Variants in AHCYL1 observed in about 807,000 individuals in gnomAD.
AHCYL1 encodes S-adenosylhomocysteine hydrolase-like protein 1.
In AHCYL1, 20 loss-of-function variants were observed where a neutral mutation model predicts 79.3. That is an observed-to-expected ratio of 0.25 (90% CI 0.18 to 0.37). The LOEUF is 0.37. Among genes scored for constraint, AHCYL1 ranks in the 10% least tolerant of loss-of-function variants. The probability of loss-of-function intolerance (pLI) is 1.00; values close to 1 mark genes in which losing one functional copy is unlikely to be tolerated. For missense variants in AHCYL1, 330 were observed against 673.6 expected (o/e 0.49, Z 5.65); for synonymous variants, 223 against 242.2 (o/e 0.92, Z 0.74).
intron 1 of AHCYL1, among the ~76,000 whole-genome samples, chr1:109,988,373 G>C (rs3768480): frequency 0.33 from 49,727 of 152,150 alleles, 9,780 homozygotes; most frequent in Non-Finnish European, 0.45. Flanking sequence ...TGAGTTTTAA[G>C]AGTTAAGTGT....
At chr1:109,990,270 G>A (rs1649685285) in intron 1 of AHCYL1, among the ~76,000 whole-genome samples, 1 of 152,110 alleles carries the variant, frequency 6.6e-6, no homozygotes, top group African/African-American at 2.4e-5. Flanking sequence ...GTAAAATGGG[G>A]AACAATGATA....
chr1:109,985,580 T>C (rs1649426048), intron 1 of AHCYL1: 1 of 988,226 alleles, frequency 1.0e-6, no homozygotes, highest in Non-Finnish European at 1.2e-6. Flanking sequence ...CCATCAAATC[T>C]TTGGGAGCAG....
intron 15 of AHCYL1, among the ~76,000 whole-genome samples, chr1:110,020,343 G>A (rs1651715496): frequency 6.6e-6 from 1 of 152,116 alleles, no homozygotes; most frequent in Non-Finnish European, 1.5e-5. Context: ...TAGCTTACTG[G>A]TGTCCACTTT....
At chr1:110,013,946 G>T (rs1234324739) in intron 5 of AHCYL1, among the ~76,000 whole-genome samples, 1 of 151,284 alleles carries the variant, frequency 6.6e-6, no homozygotes, top group Non-Finnish European at 1.5e-5. Flanking sequence ...GATTGCAGTG[G>T]CATGCCACCA....
At chr1:110,011,170 C>T in intron 2 of AHCYL1, 44 bp from the exon 3 acceptor site, 1 of 1,609,058 alleles carries the variant, frequency 6.2e-7, no homozygotes, top group Non-Finnish European at 8.5e-7. Flanking sequence ...AGTTGGGGAC[C>T]ACTGAGGTTT....
intron 1 of AHCYL1, among the ~76,000 whole-genome samples, chr1:110,004,718 C>T (rs962934046): frequency 6.6e-6 from 1 of 152,004 alleles, no homozygotes; most frequent in South Asian, 2.1e-4. Context: ...TTGCAGCCAG[C>T]CTGGCAAACA....
chr1:109,987,057 G>C (rs1033622649), intron 1 of AHCYL1, among the ~76,000 whole-genome samples: 1 of 152,184 alleles, frequency 6.6e-6, no homozygotes, highest in African/African-American at 2.4e-5. Flanking sequence ...CCATTTACCA[G>C]TAAATGTGCC....
chr1:109,992,115 G>A (rs918073313), intron 1 of AHCYL1, among the ~76,000 whole-genome samples: 1 of 151,990 alleles, frequency 6.6e-6, no homozygotes, highest in Admixed American at 6.6e-5. Flanking sequence ...TACCATAAAA[G>A]TTAATAGGAC....
chr1:109,993,836 G>A (rs964901134), intron 1 of AHCYL1, among the ~76,000 whole-genome samples: 2 of 152,180 alleles, frequency 1.3e-5, no homozygotes, highest in Non-Finnish European at 2.9e-5. Context: ...GTTGAAACTG[G>A]TATCCTGGTT....
chr1:110,009,278 G>A, intron 2 of AHCYL1, 133 bp downstream of exon 2: 1 of 736,558 alleles, frequency 1.4e-6, no homozygotes, highest in South Asian at 1.8e-5. Flanking sequence ...TAGTGGCTGG[G>A]CAGTGGGAAT....
chr1:110,020,658 T>C (rs1314502480), intron 15 of AHCYL1, 73 bp from the exon 16 acceptor site: 1 of 1,502,100 alleles, frequency 6.7e-7, no homozygotes, highest in Non-Finnish European at 8.9e-7. Flanking sequence ...AAGCTTCAAA[T>C]GAAAATGGGA....
At chr1:110,017,727 C>A in intron 10 of AHCYL1, 144 bp downstream of exon 10, 1 of 1,038,928 alleles carries the variant, frequency 9.6e-7, no homozygotes, top group Non-Finnish European at 1.4e-6. Flanking sequence ...TCACTCTAAC[C>A]CTAGGGCTCT....
chr1:109,986,853 T>C (rs1649495884), intron 1 of AHCYL1, among the ~76,000 whole-genome samples: 1 of 152,238 alleles, frequency 6.6e-6, no homozygotes, highest in African/African-American at 2.4e-5. Flanking sequence ...ATTGCTCACC[T>C]GGCTAACTAG....
intron 9 of AHCYL1, 43 bp downstream of exon 9, chr1:110,016,773 A>C (rs978132021): frequency 6.2e-7 from 1 of 1,610,068 alleles, no homozygotes; most frequent in Non-Finnish European, 8.5e-7. Context: ...TTGTGTACTT[A>C]TTAGAAATAT....
chr1:109,999,028 A>G (rs1650169939), intron 1 of AHCYL1, among the ~76,000 whole-genome samples: 1 of 152,128 alleles, frequency 6.6e-6, no homozygotes, highest in Non-Finnish European at 1.5e-5. Context: ...ACGGTGGCAC[A>G]TGACTGTTAT....
At chr1:109,996,021 A>G (rs1375159679) in intron 1 of AHCYL1, among the ~76,000 whole-genome samples, 2 of 152,168 alleles carry the variant, frequency 1.3e-5, no homozygotes, top group East Asian at 3.8e-4. Context: ...GGAGTTCGAG[A>G]CCAGCCTGGC....
chr1:110,004,209 C>G (rs41280336), intron 1 of AHCYL1: 10,931 of 985,476 alleles, frequency 0.011, 434 homozygotes, highest in African/African-American at 0.11. Context: ...CGGGAGTCGG[C>G]GGGGGAAGAT....
intron 7 of AHCYL1, 27 bp from the exon 8 acceptor site, chr1:110,016,307 GGTTTTTGTTT>G (rs1252152034): frequency 6.0e-6 from 9 of 1,504,282 alleles, no homozygotes. Flanking sequence ...CAGCTAACTT[GGTTTTTGTTT>G]GTTTTTGTGA....
chr1:109,984,871 T>TG lies in AHCYL1; in HGVS notation c.-179dup. On this transcript the variant is annotated 5_prime_UTR_variant, in exon 1 of 17. Coordinates refer to ENST00000369799, the MANE Select transcript of AHCYL1 (RefSeq NM_006621.7). ...GGCCGCCGTCGCTGTCCGGCTGCCT[T>TG]GGGCTGCCGAACAGACAAGGCGTGG... is the stretch of plus-strand genomic sequence containing the variant. The TG allele has an allele frequency of 2.0e-6, 2 of 1,012,318 alleles. No homozygotes were observed. Among genetic ancestry groups the TG allele is most frequent in the Non-Finnish European group, 2.6e-6 (2 of 781,716 alleles). The allele number at this position is 1,012,318 out of a possible 1,614,324, so 62.7% of individuals were successfully genotyped here. A position where few individuals can be genotyped will look rare whatever the true frequency, so the allele number is the denominator to read the frequency against.
Sources: allele counts gnomAD v4.1 joint callset (sites outside exome capture counted in the v4.1 genomes callset), GRCh38; gene constraint gnomAD v4.1.1; transcripts MANE v1.5; gene names NCBI Gene and HGNC (gene_info 2026-07-23, HGNC 2026-07-21).